Variants in KCNH1 observed in about 807,000 individuals in gnomAD.
The protein encoded by KCNH1 is voltage-gated delayed rectifier potassium channel KCNH1.
Under a neutral mutation model 69.2 loss-of-function variants are expected in KCNH1, and 27 were observed. The ratio of observed to expected loss-of-function variants is 0.39; its 90% CI spans 0.29 to 0.54. The LOEUF (loss-of-function observed/expected upper bound fraction) is 0.54, where lower values mean the gene tolerates loss of function less well. Ranked by LOEUF, KCNH1 falls within the 20% of genes least tolerant of loss-of-function variation. The pLI is 0.68. For missense variants in KCNH1, 798 were observed against 1,261.6 expected (o/e 0.63, Z 5.57); for synonymous variants, 456 against 487.7 (o/e 0.93, Z 0.86).
At chr1:211,032,540 C>T (rs191208552) in intron 5 of KCNH1, among the ~76,000 whole-genome samples, 2 of 152,274 alleles carry the variant, frequency 1.3e-5, no homozygotes, top group African/African-American at 4.8e-5. Context: ...ACCAAAACAG[C>T]ATGGTACTGG....
At chr1:210,747,317 G>A (rs1683181708) in intron 10 of KCNH1, among the ~76,000 whole-genome samples, 1 of 152,080 alleles carries the variant, frequency 6.6e-6, no homozygotes, top group Non-Finnish European at 1.5e-5. Flanking sequence ...CCTGGGTTGT[G>A]CAGCTGCTCG....
chr1:210,850,373 T>C (rs1438614790), intron 7 of KCNH1, among the ~76,000 whole-genome samples: 1 of 151,408 alleles, frequency 6.6e-6, no homozygotes, highest in Non-Finnish European at 1.5e-5. Flanking sequence ...TAGCTGGGCG[T>C]GGTGGCGCGC....
At chr1:210,983,762 T>G (rs1688766069) in intron 6 of KCNH1, among the ~76,000 whole-genome samples, 1 of 152,218 alleles carries the variant, frequency 6.6e-6, no homozygotes, top group South Asian at 2.1e-4. Context: ...CGGGCTCTTT[T>G]TTGGTTCCAT....
intron 6 of KCNH1, among the ~76,000 whole-genome samples, chr1:210,920,825 A>C (rs1687443563): frequency 6.6e-6 from 1 of 152,212 alleles, no homozygotes; most frequent in African/African-American, 2.4e-5. Flanking sequence ...TTATATCATC[A>C]GACACCACCT....
chr1:210,825,674 T>C (rs1012437291), intron 7 of KCNH1, among the ~76,000 whole-genome samples: 2 of 152,352 alleles, frequency 1.3e-5, no homozygotes, highest in East Asian at 3.9e-4. Context: ...ACAATTCAAA[T>C]GTCACTTTCT....
chr1:210,819,272 A>G (rs1684879146), intron 7 of KCNH1, among the ~76,000 whole-genome samples: 1 of 152,212 alleles, frequency 6.6e-6, no homozygotes, highest in South Asian at 2.1e-4. Context: ...GGAAAATATG[A>G]CATTCTTTAT....
intron 10 of KCNH1, among the ~76,000 whole-genome samples, chr1:210,766,629 T>C (rs2102358670): frequency 6.6e-6 from 1 of 152,256 alleles, no homozygotes; most frequent in African/African-American, 2.4e-5. Context: ...AGAGAAGATA[T>C]ATGGAGTCAG....
At chr1:210,731,982 T>C (rs914135422) in intron 10 of KCNH1, among the ~76,000 whole-genome samples, 1 of 152,028 alleles carries the variant, frequency 6.6e-6, no homozygotes, top group African/African-American at 2.4e-5. Flanking sequence ...TGAGTATTCT[T>C]GGGAAGCCTG....
intron 6 of KCNH1, among the ~76,000 whole-genome samples, chr1:211,013,985 GGTAA>G (rs781271907): frequency 2.8e-4 from 43 of 152,326 alleles, no homozygotes; most frequent in Non-Finnish European, 5.0e-4. Flanking sequence ...TCTGCTAGAA[GGTAA>G]GTATCTCCCA....
chr1:211,125,660 G>C (rs1231648661), intron 1 of KCNH1, among the ~76,000 whole-genome samples: 4 of 152,208 alleles, frequency 2.6e-5, no homozygotes, highest in African/African-American at 7.2e-5. Flanking sequence ...GAGAATGCCA[G>C]TGGAGGATGT....
At chr1:211,058,643 A>T (rs1690360550) in intron 5 of KCNH1, among the ~76,000 whole-genome samples, 1 of 152,172 alleles carries the variant, frequency 6.6e-6, no homozygotes, top group Non-Finnish European at 1.5e-5. Flanking sequence ...ACCACCTGAG[A>T]AAATCACCTT....
rs375284597 is a variant in KCNH1, at chr1:210,684,148, G to A, written c.2113-10C>T. 6.0e-6 allele frequency: 9 copies of A among 1,501,526 alleles called. No homozygotes were observed. The highest frequency in any genetic ancestry group is 8.0e-6 in the Non-Finnish European group (9 of 1,126,940). The allele number at this position is 1,501,526 out of a possible 1,614,324, so 93.0% of individuals were successfully genotyped here. ...TCTTCCGGAACACAATCTGGAGAGA[G>A]AGAGAGAGAGAATGACATGGCGTGT... On this transcript the variant is annotated splice_polypyrimidine_tract_variant and intron_variant, in intron 10 of 10. Transcript: ENST00000271751.
At chr1:211,006,972 C>G (rs1689298025) in intron 6 of KCNH1, among the ~76,000 whole-genome samples, 1 of 151,756 alleles carries the variant, frequency 6.6e-6, no homozygotes, top group African/African-American at 2.4e-5. Flanking sequence ...AAAAAAAAGA[C>G]AGACAATATA....
chr1:210,806,319 G>A (rs1309344563), intron 7 of KCNH1, among the ~76,000 whole-genome samples: 1 of 152,082 alleles, frequency 6.6e-6, no homozygotes, highest in African/African-American at 2.4e-5. Context: ...AGCTAATGAT[G>A]TTAAGCTTCT....
intron 5 of KCNH1, among the ~76,000 whole-genome samples, chr1:211,066,760 T>C (rs1690538120): frequency 6.6e-6 from 1 of 152,192 alleles, no homozygotes; most frequent in African/African-American, 2.4e-5. Context: ...GTAAAATAAG[T>C]TGCCAAATAG....
At chr1:210,991,642 AC>A (rs1688939443) in intron 6 of KCNH1, among the ~76,000 whole-genome samples, 2 of 150,684 alleles carry the variant, frequency 1.3e-5, no homozygotes, top group African/African-American at 4.9e-5. Context: ...CATAACACAT[AC>A]ACACATACAC....
At chr1:210,930,448 C>G (rs936830275) in intron 6 of KCNH1, among the ~76,000 whole-genome samples, 1 of 152,050 alleles carries the variant, frequency 6.6e-6, no homozygotes, top group Non-Finnish European at 1.5e-5. Context: ...GACACTGATT[C>G]AACAAATGGT....
chr1:210,704,616 C>CTTAT (rs1681862968), intron 10 of KCNH1, among the ~76,000 whole-genome samples: 1 of 152,104 alleles, frequency 6.6e-6, no homozygotes, highest in Non-Finnish European at 1.5e-5. Flanking sequence ...GGCAAGTGTC[C>CTTAT]TTATTTTGTA....
At chr1:210,829,917 A>G (rs1394462707) in intron 7 of KCNH1, among the ~76,000 whole-genome samples, 5 of 152,188 alleles carry the variant, frequency 3.3e-5, no homozygotes, top group African/African-American at 1.2e-4. Context: ...GAATTGTTCT[A>G]AGCACTTTAG....
Sources: allele counts gnomAD v4.1 joint callset (sites outside exome capture counted in the v4.1 genomes callset), GRCh38; gene constraint gnomAD v4.1.1; transcripts MANE v1.5; gene names NCBI Gene and HGNC (gene_info 2026-07-23, HGNC 2026-07-21).